CTNND2: variants seen among roughly 807,000 people sequenced by gnomAD.
CTNND2 encodes the protein catenin delta-2.
CTNND2 carries 22 observed loss-of-function variants against 144.4 expected under a neutral mutation model. The ratio of observed to expected loss-of-function variants is 0.15; its 90% confidence interval spans 0.11 to 0.22. CTNND2 has a LOEUF of 0.22. Ranked by LOEUF, CTNND2 falls within the 10% of genes least tolerant of loss-of-function variation. The pLI, the probability that CTNND2 is intolerant of heterozygous loss-of-function variation, is 1.00. For missense variants in CTNND2, 1,353 were observed against 1,618.8 expected (o/e 0.84, Z 2.82); for synonymous variants, 751 against 695.6 (o/e 1.08, Z -1.25).
intron 1 of CTNND2, among the ~76,000 whole-genome samples, chr5:11,895,548 T>C (rs976837179): frequency 1.3e-5 from 2 of 152,288 alleles, no homozygotes; most frequent in African/African-American, 2.4e-5. Flanking sequence ...AACCATTTGC[T>C]CCACTGCTGT....
chr5:11,096,803 C>CAG lies in CTNND2; in HGVS notation c.2637+1770_2637+1771dup, dbSNP rs375930798. On this transcript the variant is annotated intron_variant, in intron 15 of 21. Coordinates refer to ENST00000304623, the MANE Select transcript of CTNND2 (RefSeq NM_001332.4). ...AGGGAGGGAGGAAGAGAGAGAGAGACAGAGAGAGAGAGAGAGAGAGAAACA... is the reference window on the plus strand; with the variant it reads ...AGGGAGGGAGGAAGAGAGAGAGAGACAGAGAGAGAGAGAGAGAGAGAGAAACA... Among the ~76,000 whole-genome samples, 464 of 148,944 alleles carry CAG rather than the reference C, an allele frequency of 3.1e-3. 3 individuals carry two copies. Among genetic ancestry groups the CAG allele is most frequent in the African/African-American group, 8.8e-3 (358 of 40,634 alleles).
intron 3 of CTNND2, among the ~76,000 whole-genome samples, chr5:11,415,243 G>C (rs1179301557): frequency 6.6e-6 from 1 of 152,028 alleles, no homozygotes; most frequent in Admixed American, 6.6e-5. Flanking sequence ...AACCTCTCCA[G>C]CATCTATTAT....
intron 2 of CTNND2, among the ~76,000 whole-genome samples, chr5:11,702,108 G>A (rs1303350588): frequency 6.6e-6 from 1 of 152,102 alleles, no homozygotes; most frequent in Non-Finnish European, 1.5e-5. Context: ...CAGAACCAGG[G>A]GGTCCAGTTG....
chr5:11,768,861 G>C (rs767244497), intron 1 of CTNND2, among the ~76,000 whole-genome samples: 9 of 152,150 alleles, frequency 5.9e-5, no homozygotes, highest in African/African-American at 1.7e-4. Flanking sequence ...AACATGTGGG[G>C]AATTCAGTGA....
chr5:11,879,932 T>C (rs1735904202), intron 1 of CTNND2, among the ~76,000 whole-genome samples: 1 of 152,156 alleles, frequency 6.6e-6, no homozygotes, highest in African/African-American at 2.4e-5. Flanking sequence ...GACATACGAC[T>C]CAATTTTCCA....
chr5:11,240,102 CA>C, intron 9 of CTNND2, among the ~76,000 whole-genome samples: 1 of 151,634 alleles, frequency 6.6e-6, no homozygotes, highest in African/African-American at 2.4e-5. Context: ...CTAGATTAGC[CA>C]CACAACACAC....
chr5:11,240,779 A>C (rs1421525886), intron 9 of CTNND2, among the ~76,000 whole-genome samples: 1 of 137,800 alleles, frequency 7.3e-6, no homozygotes, highest in African/African-American at 2.8e-5. Context: ...TACATTCAGC[A>C]CACACACCCC....
chr5:11,767,443 G>A (rs1484293716), intron 1 of CTNND2, among the ~76,000 whole-genome samples: 1 of 152,146 alleles, frequency 6.6e-6, no homozygotes, highest in Non-Finnish European at 1.5e-5. Context: ...ACTCATGCCT[G>A]TGCACCTCTG....
At position 11,423,418 on chromosome 5, in the gene CTNND2, G is replaced by A. The variant is rs554498370; in HGVS notation, c.288-11349C>T. On this transcript the variant is annotated intron_variant, in intron 3 of 21. Coordinates refer to ENST00000304623, the MANE Select transcript of CTNND2 (RefSeq NM_001332.4). ...GAGAAGAGTACCTAGTTTGTTTGCCGATAGAAGTGGCATGTATATCAAGGT... is the reference window on the plus strand; with the variant it reads ...GAGAAGAGTACCTAGTTTGTTTGCCAATAGAAGTGGCATGTATATCAAGGT... Among the ~76,000 whole-genome samples, 57 of 152,304 alleles carry A rather than the reference G, an allele frequency of 3.7e-4. 1 individual carries two copies. The highest frequency in any genetic ancestry group is 7.6e-4 in the Non-Finnish European group (52 of 68,030).
intron 18 of CTNND2, among the ~76,000 whole-genome samples, chr5:11,002,444 CT>C (rs2149514410): frequency 6.6e-6 from 1 of 152,290 alleles, no homozygotes; most frequent in South Asian, 2.1e-4. Context: ...GAGAAGGATA[CT>C]CCTTGATGGA....
chr5:11,264,158 C>G (rs913692207), intron 9 of CTNND2, among the ~76,000 whole-genome samples: 2 of 152,120 alleles, frequency 1.3e-5, no homozygotes, highest in African/African-American at 2.4e-5. Context: ...GTTTAAAATA[C>G]AAGGAGAATT....
intron 2 of CTNND2, among the ~76,000 whole-genome samples, chr5:11,667,435 CCTGA>C (rs1468168429): frequency 2.0e-5 from 3 of 152,130 alleles, no homozygotes; most frequent in Non-Finnish European, 4.4e-5. Context: ...TCTGTTGTTT[CCTGA>C]CTTTTTAATG....
At chr5:11,853,160 C>A (rs1430659005) in intron 1 of CTNND2, among the ~76,000 whole-genome samples, 2 of 152,150 alleles carry the variant, frequency 1.3e-5, no homozygotes, top group Non-Finnish European at 2.9e-5. Flanking sequence ...TTTCCCTCAT[C>A]ACTCCACCAA....
intron 2 of CTNND2, among the ~76,000 whole-genome samples, chr5:11,604,461 A>T (rs1779953350): frequency 6.6e-6 from 1 of 152,244 alleles, no homozygotes; most frequent in Non-Finnish European, 1.5e-5. Flanking sequence ...ACTCATGTCA[A>T]GCCCCGAAGC....
At chr5:11,465,517 A>G (rs1766589319) in intron 3 of CTNND2, among the ~76,000 whole-genome samples, 1 of 152,198 alleles carries the variant, frequency 6.6e-6, no homozygotes, top group African/African-American at 2.4e-5. Flanking sequence ...CAGACAAACA[A>G]AAGTGACACA....
At chr5:11,720,982 A>C (rs1786643133) in intron 2 of CTNND2, among the ~76,000 whole-genome samples, 1 of 152,226 alleles carries the variant, frequency 6.6e-6, no homozygotes, top group South Asian at 2.1e-4. Context: ...CCCAAGGGAA[A>C]TAAAAACATA....
rs546184992 is a variant in CTNND2, at chr5:11,109,394, A to T, written c.2463+1464T>A. On this transcript the variant is annotated intron_variant, in intron 14 of 21. Transcript: ENST00000304623. ...ATTATCCCTACAGGGATTTTTTTTT[A>T]AAGTTTCTGAGATTTTTCTTATAGC... is the stretch of plus-strand genomic sequence containing the variant. 1.3e-3 allele frequency among the ~76,000 whole-genome samples: 196 copies of T among 150,010 alleles called. 1 individual carries two copies. Among genetic ancestry groups the T allele is most frequent in the African/African-American group, 4.6e-3 (184 of 40,276 alleles).
rs192446727 is a variant in CTNND2 at position 11,623,842 on chromosome 5, A to G, written c.175-58786T>C. On this transcript the variant is annotated intron_variant, in intron 2 of 21. Coordinates refer to ENST00000304623, the MANE Select transcript of CTNND2 (RefSeq NM_001332.4). ...TATATATATATATATATATATATAT[A>G]TATATATATATGCACCAAAAAAGGA... Among the ~76,000 whole-genome samples the G allele has an allele frequency of 6.1e-5, 8 of 130,314 alleles. 1 individual carries two copies. The highest frequency in any genetic ancestry group is 7.9e-5 in the Non-Finnish European group (5 of 63,276). The allele number at this position is 130,314 out of a possible 152,430, so 85.5% of individuals were successfully genotyped here.
intron 13 of CTNND2, among the ~76,000 whole-genome samples, chr5:11,112,153 T>C (rs1020934864): frequency 1.3e-5 from 2 of 152,128 alleles, no homozygotes; most frequent in Admixed American, 1.3e-4. Context: ...CCAGCAGGTC[T>C]ACATCTTAAT....
Sources: allele counts gnomAD v4.1 joint callset (sites outside exome capture counted in the v4.1 genomes callset), GRCh38; gene constraint gnomAD v4.1.1; transcripts MANE v1.5; gene names NCBI Gene and HGNC (gene_info 2026-07-23, HGNC 2026-07-21).